The following CSMD1 variants were observed in gnomAD, a reference collection of about 807,000 sequenced individuals.
CSMD1 encodes CUB and Sushi multiple domains 1.
A neutral mutation model predicts 417.5 loss-of-function variants in CSMD1; 213 were observed. The ratio of observed to expected loss-of-function variants is 0.51; its 90% CI spans 0.46 to 0.57. The LOEUF (loss-of-function observed/expected upper bound fraction) is 0.57, where lower values mean the gene tolerates loss of function less well. Ranked by LOEUF, CSMD1 falls within the 20% of genes least tolerant of loss-of-function variation. The pLI is 0.00. For missense variants in CSMD1, 6,923 were observed against 4,529.7 expected, an observed-to-expected ratio of 1.53 and a Z score of -15.17; for synonymous variants, 2,862 against 1,736.8, an observed-to-expected ratio of 1.65 and a Z score of -16.11.
chr8:3,375,094 T>C (rs1810221874), intron 18 of CSMD1: 1 of 152,180 alleles, frequency 6.6e-6, no homozygotes, highest in Non-Finnish European at 1.5e-5. Context: ...TGCCCAACTG[T>C]AACTTGAAAC....
intron 5 of CSMD1, among the ~76,000 whole-genome samples, chr8:3,934,417 C>A (rs2688265): frequency 1.3e-5 from 2 of 151,984 alleles, no homozygotes; most frequent in East Asian, 3.9e-4. Context: ...TAATGAACAC[C>A]GGTAGTAATT....
At chr8:3,151,311 G>A (rs1819179361) in intron 40 of CSMD1, 86 bp downstream of exon 40, 3 of 822,762 alleles carry the variant, frequency 3.6e-6, no homozygotes, top group Non-Finnish European at 4.1e-6. Context: ...TATGCCAACA[G>A]AATAAGGCAT....
chr8:3,551,269 A>T (rs1271404692), intron 10 of CSMD1, among the ~76,000 whole-genome samples: 1 of 152,204 alleles, frequency 6.6e-6, no homozygotes, highest in East Asian at 1.9e-4. Context: ...ATCTTGTGGC[A>T]TATTTTCTGT....
intron 3 of CSMD1, among the ~76,000 whole-genome samples, chr8:4,088,083 G>A (rs77283380): frequency 1.3e-5 from 2 of 152,300 alleles, no homozygotes; most frequent in Non-Finnish European, 2.9e-5. Context: ...ATGACTAGAG[G>A]AAACCACAAA....
At chr8:4,107,078 A>T (rs930601657) in intron 3 of CSMD1, among the ~76,000 whole-genome samples, 1 of 152,212 alleles carries the variant, frequency 6.6e-6, no homozygotes, top group Non-Finnish European at 1.5e-5. Flanking sequence ...TGTCAACGAC[A>T]ACATGAACAA....
At chr8:4,489,961 C>G (rs972341627) in intron 2 of CSMD1, among the ~76,000 whole-genome samples, 6 of 151,846 alleles carry the variant, frequency 4.0e-5, no homozygotes, top group African/African-American at 7.3e-5. Flanking sequence ...TAAGTAGCAA[C>G]AGGAAGTGAA....
chr8:4,756,054 C>G (rs1240770812), intron 1 of CSMD1, among the ~76,000 whole-genome samples: 1 of 152,160 alleles, frequency 6.6e-6, no homozygotes, highest in Non-Finnish European at 1.5e-5. Flanking sequence ...TGCTAAATCT[C>G]CAACCTTTTT....
Position 3,036,255 on chromosome 8 carries a change from C to G in CSMD1, c.7661-6742G>C, listed in dbSNP as rs147815433. The stretch of plus-strand genomic sequence containing the variant: ...TAAACATTGCTTTAAGATATTTAGA[C>G]AAGGGAAGTGAGATTACCATAAATA... On this transcript the variant is annotated intron_variant, in intron 50 of 69. Coordinates refer to ENST00000635120, the MANE Select transcript of CSMD1 (RefSeq NM_033225.6). 4.8e-3 allele frequency among the ~76,000 whole-genome samples: 732 copies of G among 152,258 alleles called. 4 individuals are homozygous for G. Among genetic ancestry groups the G allele is most frequent in the African/African-American group, 0.017 (688 of 41,544 alleles).
At chr8:3,519,829 C>T (rs1045047464) in intron 10 of CSMD1, among the ~76,000 whole-genome samples, 8 of 151,980 alleles carry the variant, frequency 5.3e-5, no homozygotes, top group Admixed American at 2.6e-4. Flanking sequence ...CTCTTCTTAC[C>T]ATGGTATCAA....
chr8:4,642,178 C>T (rs1200844201), intron 1 of CSMD1, among the ~76,000 whole-genome samples: 3 of 152,180 alleles, frequency 2.0e-5, no homozygotes, highest in Admixed American at 1.3e-4. Flanking sequence ...ACTACTTGTT[C>T]GGGGCCCCGG....
At position 4,506,523 on chromosome 8, in the gene CSMD1, G is replaced by C. The variant is rs1802536309; in HGVS notation, c.303-86458C>G. Among the ~76,000 whole-genome samples, 3 of 152,154 alleles carry C rather than the reference G, an allele frequency of 2.0e-5. No homozygotes were observed. The South Asian group carries it at 6.2e-4, about 32-fold the overall frequency. On this transcript the variant is annotated intron_variant, in intron 2 of 69. Coordinates refer to ENST00000635120, the MANE Select transcript of CSMD1 (RefSeq NM_033225.6). ...ATGGCGGATGGCAGGAGGCGGGGTT[G>C]GGGATGGGAGGACCCAGTGGAAGGG...
chr8:4,096,767 TTAGA>T lies in CSMD1; in HGVS notation c.416-64672_416-64669del, dbSNP rs150391543. 3.9e-3 allele frequency among the ~76,000 whole-genome samples: 597 copies of T among 151,952 alleles called. 2 individuals are homozygous for T. The highest frequency in any genetic ancestry group is 0.014 in the African/African-American group (578 of 41,216). ...ATTGTATGAGTTTTTTCCCTGCAAT[TTAGA>T]AGACACTTGCGGAGTTGCACTCCGA... On this transcript the variant is annotated intron_variant, in intron 3 of 69. Coordinates refer to ENST00000635120, the MANE Select transcript of CSMD1 (RefSeq NM_033225.6).
At chr8:4,110,424 C>G (rs1412346830) in intron 3 of CSMD1, among the ~76,000 whole-genome samples, 1 of 152,106 alleles carries the variant, frequency 6.6e-6, no homozygotes, top group African/African-American at 2.4e-5. Context: ...CTCTGGAAAT[C>G]TACATTTTCA....
At chr8:4,110,627 G>A (rs1439375511) in intron 3 of CSMD1, among the ~76,000 whole-genome samples, 5 of 40,404 alleles carry the variant, frequency 1.2e-4, no homozygotes, top group East Asian at 8.2e-4. Context: ...ATATATACCT[G>A]ATATATACAG....
rs201904144 is a variant in CSMD1 at position 3,000,042 on chromosome 8, T to A, written c.8119A>T (p.Asn2707Tyr). Residue 2707 changes from asparagine to tyrosine, a missense_variant, in exon 53 of 70, where the codon AAT becomes TAT. Coordinates refer to ENST00000635120, the MANE Select transcript of CSMD1 (RefSeq NM_033225.6). Reference protein sequence around the residue: ...SYRDTVVYQCNPGFRLVGTSV... With the variant: ...SYRDTVVYQCYPGFRLVGTSV... ...GTTCCCACAAGCCGGAAACCAGGAT[T>A]GCACTGGTAAACCACCGTGTCTCTG... is the stretch of plus-strand genomic sequence containing the variant. 6.2e-7 allele frequency: 1 copy of A among 1,605,778 alleles called. No individual in the cohort carries two copies. The highest frequency in any genetic ancestry group is 8.5e-7 in the Non-Finnish European group (1 of 1,178,278).
Position 3,218,560 on chromosome 8 carries a change from C to CAAAA in CSMD1, c.4672+691_4672+694dup, listed in dbSNP as rs375544620. Among the ~76,000 whole-genome samples the CAAAA allele has an allele frequency of 1.1e-4, 14 of 128,696 alleles. 1 individual carries two copies. The highest frequency in any genetic ancestry group is 4.6e-4 in the East Asian group (2 of 4,344). The allele number at this position is 128,696 out of a possible 152,430, so 84.4% of individuals were successfully genotyped here. ...TGCATGATAGAGCAAGACTCCATCT[C>CAAAA]AAAAATAAAAAAAAAAAGAAATTAT... On this transcript the variant is annotated intron_variant, in intron 29 of 69. Coordinates refer to ENST00000635120, the MANE Select transcript of CSMD1 (RefSeq NM_033225.6).
chr8:4,481,490 A>T (rs1801099448), intron 2 of CSMD1, among the ~76,000 whole-genome samples: 1 of 152,154 alleles, frequency 6.6e-6, no homozygotes. Flanking sequence ...GGCATATGAG[A>T]TTTGATCAAA....
At chr8:3,762,672 G>A (rs1798075288) in intron 5 of CSMD1, among the ~76,000 whole-genome samples, 1 of 152,210 alleles carries the variant, frequency 6.6e-6, no homozygotes, top group South Asian at 2.1e-4. Context: ...CAGGCACACT[G>A]GTGCCCAGAG....
At chr8:4,068,558 G>T (rs1277750241) in intron 3 of CSMD1, among the ~76,000 whole-genome samples, 1 of 152,184 alleles carries the variant, frequency 6.6e-6, no homozygotes, top group Non-Finnish European at 1.5e-5. Flanking sequence ...TCCTCTGGAG[G>T]CCACTGGACC....
Sources: allele counts gnomAD v4.1 joint callset (sites outside exome capture counted in the v4.1 genomes callset), GRCh38; gene constraint gnomAD v4.1.1; transcripts MANE v1.5; gene names NCBI Gene and HGNC (gene_info 2026-07-23, HGNC 2026-07-21).